SMAP1: variants seen among roughly 807,000 people sequenced by gnomAD.
SMAP1 encodes stromal membrane-associated protein 1.
SMAP1 carries 24 observed loss-of-function variants against 58.5 expected under a neutral mutation model. The observed-to-expected ratio is 0.41, with a 90% confidence interval of 0.30 to 0.58. SMAP1 has a LOEUF of 0.58. Among genes scored for constraint, SMAP1 ranks in the 20% least tolerant of loss-of-function variants. The pLI is 0.29. For missense variants in SMAP1, 563 were observed against 566.3 expected (o/e 0.99, Z 0.06); for synonymous variants, 216 against 196.6 (o/e 1.10, Z -0.82).
At chr6:70,803,890 TGAG>T (rs1768985709) in intron 6 of SMAP1, among the ~76,000 whole-genome samples, 1 of 152,242 alleles carries the variant, frequency 6.6e-6, no homozygotes. Context: ...TTACGTTTGC[TGAG>T]GAGTGTTTTA....
chr6:70,759,288 A>T (rs1766649104), intron 3 of SMAP1, among the ~76,000 whole-genome samples: 1 of 151,880 alleles, frequency 6.6e-6, no homozygotes. Context: ...CCCCCCACTC[A>T]CTAGGCTGAG....
intron 8 of SMAP1, 194 bp from the exon 9 acceptor site, chr6:70,856,665 A>G: frequency 2.2e-6 from 1 of 453,054 alleles, no homozygotes; most frequent in Non-Finnish European, 3.8e-6. Flanking sequence ...GATTCAAATT[A>G]AGAAGTACTG....
At chr6:70,826,230 A>G (rs1003014001) in intron 6 of SMAP1, among the ~76,000 whole-genome samples, 9 of 152,168 alleles carry the variant, frequency 5.9e-5, no homozygotes, top group Non-Finnish European at 1.3e-4. Flanking sequence ...ACTTTTTAGA[A>G]CCATTTATAA....
intron 3 of SMAP1, among the ~76,000 whole-genome samples, chr6:70,755,872 C>A (rs183436708): frequency 4.8e-4 from 73 of 152,104 alleles, no homozygotes; most frequent in African/African-American, 1.8e-3. Flanking sequence ...ATTTAGAAGG[C>A]AAATTACATA....
rs12207386 is a variant in SMAP1, at chr6:70,716,630, C to T, written c.119-15748C>T. Among the ~76,000 whole-genome samples, 571 of 152,068 alleles carry T rather than the reference C, an allele frequency of 3.8e-3. 2 individuals carry two copies. Among genetic ancestry groups the T allele is most frequent in the Non-Finnish European group, 6.4e-3 (436 of 67,980 alleles). On this transcript the variant is annotated intron_variant, in intron 1 of 10. Transcript: ENST00000370455. ...CTGTCTTGGAGTTCACTGATCTTTT[C>T]TTCTGCTTGATCTAGTCTGTTACTG... is the stretch of plus-strand genomic sequence containing the variant.
chr6:70,758,006 C>A (rs920327675), intron 3 of SMAP1, among the ~76,000 whole-genome samples: 4 of 151,982 alleles, frequency 2.6e-5, no homozygotes, highest in African/African-American at 9.7e-5. Context: ...TTGACCCAGC[C>A]ATCCCATTAC....
At chr6:70,704,989 G>A (rs1014794604) in intron 1 of SMAP1, among the ~76,000 whole-genome samples, 2 of 152,136 alleles carry the variant, frequency 1.3e-5, no homozygotes, top group Admixed American at 6.5e-5. Context: ...GCTTTCTTGG[G>A]ATTTGTAGTT....
Position 70,852,638 on chromosome 6 carries a change from C to T in SMAP1, c.763C>T (p.Pro255Ser). 6.2e-7 allele frequency: 1 copy of T among 1,607,976 alleles called. No individual in the cohort carries two copies. Among genetic ancestry groups the T allele is most frequent in the East Asian group, 2.2e-5 (1 of 44,574 alleles). ...TGGACCGATGATTTCTAATCCCTTA[C>T]CTGCAACTGTCATGCCCCCAGCTCA... ...IFGPMISNPL[P>S]ATVMPPAQGT... The change falls in exon 8 of 11, where the codon CCT (proline) becomes TCT (serine). Residue 255 changes from proline (P) to serine (S), a missense_variant. Transcript: ENST00000370455.
At chr6:70,737,136 A>G (rs1765648539) in intron 2 of SMAP1, among the ~76,000 whole-genome samples, 1 of 152,000 alleles carries the variant, frequency 6.6e-6, no homozygotes, top group South Asian at 2.1e-4. Context: ...CTTGTTGGAA[A>G]TGTATTTTTT....
At chr6:70,835,463 T>A (rs1184788011) in intron 6 of SMAP1, among the ~76,000 whole-genome samples, 1 of 152,146 alleles carries the variant, frequency 6.6e-6, no homozygotes, top group East Asian at 1.9e-4. Flanking sequence ...GAAATGATCT[T>A]GAAATGGTTT....
intron 7 of SMAP1, among the ~76,000 whole-genome samples, chr6:70,842,801 A>G (rs1231984394): frequency 6.6e-6 from 1 of 151,956 alleles, no homozygotes; most frequent in African/African-American, 2.4e-5. Context: ...CACTGGCTTT[A>G]CTCTGGAGGC....
rs141774085 is a variant in SMAP1 at position 70,797,558 on chromosome 6, G to A, written c.496-1099G>A. ...GTACCCTCCCAAACATCATATTTTT[G>A]CCTGTTTTTGAACTTTATATGAATG... On this transcript the variant is annotated intron_variant, in intron 5 of 10. Coordinates refer to ENST00000370455, the MANE Select transcript of SMAP1 (RefSeq NM_001044305.3). 1.2e-3 allele frequency among the ~76,000 whole-genome samples: 186 copies of A among 151,908 alleles called. 1 individual carries two copies. Among genetic ancestry groups the A allele is most frequent in the African/African-American group, 4.3e-3 (178 of 41,426 alleles).
intron 1 of SMAP1, among the ~76,000 whole-genome samples, chr6:70,683,977 T>C (rs1766829916): frequency 6.6e-6 from 1 of 152,234 alleles, no homozygotes; most frequent in Non-Finnish European, 1.5e-5. Context: ...TTTTAATCTT[T>C]TCATTCTCTT....
intron 1 of SMAP1, among the ~76,000 whole-genome samples, chr6:70,681,865 G>A (rs1326849034): frequency 6.6e-6 from 1 of 152,118 alleles, no homozygotes; most frequent in African/African-American, 2.4e-5. Context: ...TTTCTATTAG[G>A]TGCTAATAGG....
chr6:70,687,417 T>C (rs1350241971), intron 1 of SMAP1, among the ~76,000 whole-genome samples: 4 of 152,202 alleles, frequency 2.6e-5, no homozygotes, highest in African/African-American at 9.6e-5. Flanking sequence ...CTGCAACTTA[T>C]ATATTTATTG....
chr6:70,812,270 C>T (rs140505059), intron 6 of SMAP1, among the ~76,000 whole-genome samples: 79 of 152,254 alleles, frequency 5.2e-4, no homozygotes, highest in African/African-American at 1.6e-3. Flanking sequence ...GTAAAATACA[C>T]GATCGAGTGA....
chr6:70,841,271 G>A (rs1396314017), intron 7 of SMAP1, among the ~76,000 whole-genome samples: 4 of 152,158 alleles, frequency 2.6e-5, no homozygotes, highest in African/African-American at 9.7e-5. Context: ...GTTCCTGCAG[G>A]GGTTCTGTTT....
At chr6:70,673,604 A>C (rs2128548101) in intron 1 of SMAP1, among the ~76,000 whole-genome samples, 1 of 152,320 alleles carries the variant, frequency 6.6e-6, no homozygotes, top group Non-Finnish European at 1.5e-5. Context: ...CACCTTGGGG[A>C]ACTGGTGTTT....
At chr6:70,808,773 TA>T (rs1264472868) in intron 6 of SMAP1, among the ~76,000 whole-genome samples, 2 of 152,196 alleles carry the variant, frequency 1.3e-5, no homozygotes, top group African/African-American at 2.4e-5. Context: ...TCCTCACTAT[TA>T]TTTCAAACTG....
Sources: gnomAD v4.1 joint callset for allele counts (sites outside exome capture counted in the v4.1 genomes callset) on GRCh38, gnomAD v4.1.1 for gene constraint, MANE v1.5 for transcripts, NCBI Gene and HGNC (gene_info 2026-07-23, HGNC 2026-07-21) for gene names.